The following SH3RF2 variants were observed in gnomAD, a reference collection of about 807,000 sequenced individuals.
SH3RF2 encodes E3 ubiquitin-protein ligase SH3RF2.
In SH3RF2, 43 loss-of-function variants were observed where a neutral mutation model predicts 59.0. The observed-to-expected ratio is 0.73, with a 90% CI of 0.57 to 0.94. The LOEUF (loss-of-function observed/expected upper bound fraction) is 0.94. SH3RF2 is among the 40% of genes least tolerant of loss of function. SH3RF2 has a pLI of 0.00. For missense variants in SH3RF2, 930 were observed against 940.1 expected (o/e 0.99, Z 0.14); for synonymous variants, 391 against 391.5 (o/e 1.00, Z 0.01).
chr5:145,959,577 T>C (rs1203362367), intron 2 of SH3RF2, among the ~76,000 whole-genome samples: 1 of 151,914 alleles, frequency 6.6e-6, no homozygotes, highest in Non-Finnish European at 1.5e-5. Context: ...TCCCCAGCCT[T>C]CTTAGTTGCA....
At chr5:145,966,281 G>A (rs371492153) in intron 2 of SH3RF2, among the ~76,000 whole-genome samples, 1 of 152,104 alleles carries the variant, frequency 6.6e-6, no homozygotes, top group African/African-American at 2.4e-5. Flanking sequence ...TGGCAAAGAG[G>A]GATGACAGTG....
chr5:146,067,367 G>A (rs1233148312), downstream of SH3RF2, among the ~76,000 whole-genome samples: 1 of 152,196 alleles, frequency 6.6e-6, no homozygotes, highest in Non-Finnish European at 1.5e-5. Context: ...ACAGCAGCCT[G>A]CTTCACTCAC....
chr5:146,002,884 C>A (rs1760484012), intron 3 of SH3RF2, among the ~76,000 whole-genome samples: 1 of 152,180 alleles, frequency 6.6e-6, no homozygotes, highest in Admixed American at 6.5e-5. Context: ...ATTCCCTATC[C>A]TCTACCCTCT....
intron 2 of SH3RF2, among the ~76,000 whole-genome samples, chr5:145,987,303 T>C (rs1396529896): frequency 6.6e-6 from 1 of 152,150 alleles, no homozygotes; most frequent in African/African-American, 2.4e-5. Context: ...ACCTGAGCAA[T>C]ATATACTGCA....
At chr5:146,020,298 G>T (rs952982803) in intron 5 of SH3RF2, among the ~76,000 whole-genome samples, 1 of 152,074 alleles carries the variant, frequency 6.6e-6, no homozygotes, top group African/African-American at 2.4e-5. Context: ...ACACACACAC[G>T]TGCATACACA....
chr5:146,024,078 CAT>C (rs1442737903), intron 5 of SH3RF2, among the ~76,000 whole-genome samples: 1 of 152,170 alleles, frequency 6.6e-6, no homozygotes, highest in African/African-American at 2.4e-5. Flanking sequence ...CATTTGTAGA[CAT>C]ATGCTTTCAT....
chr5:145,938,276 A>C lies in SH3RF2; in HGVS notation c.348A>C (p.Leu116=). 1 of 1,581,614 alleles carries C rather than the reference A, an allele frequency of 6.3e-7. No individual in the cohort carries two copies. Among genetic ancestry groups the C allele is most frequent in the Non-Finnish European group, 8.6e-7 (1 of 1,168,556 alleles). ...GTCTGCAGGCCAGTCCTTTCCGGCT[A>C]GTGCCTAATGTCAGAATCCACATGG... ...PRRLQASPFR[L]VPNVRIHMDG... is the part of the protein sequence containing the mutation. Residue 116 remains leucine, a synonymous_variant, in exon 2 of 10, where the codon CTA becomes CTC. Coordinates refer to ENST00000359120, the MANE Select transcript of SH3RF2 (RefSeq NM_152550.4).
chr5:145,972,228 T>C (rs748946236), intron 2 of SH3RF2, among the ~76,000 whole-genome samples: 3 of 151,544 alleles, frequency 2.0e-5, no homozygotes, highest in Admixed American at 1.3e-4. Flanking sequence ...AAATCTTTGA[T>C]AAAAAATTGA....
At chr5:146,015,774 G>A (rs765416633) in intron 5 of SH3RF2, among the ~76,000 whole-genome samples, 87 of 152,238 alleles carry the variant, frequency 5.7e-4, no homozygotes, top group Non-Finnish European at 9.3e-4. Context: ...CAAATAGTGA[G>A]AATTCCACAG....
chr5:146,030,066 C>T (rs924731652), intron 5 of SH3RF2, among the ~76,000 whole-genome samples: 5 of 152,176 alleles, frequency 3.3e-5, no homozygotes, highest in Admixed American at 6.5e-5. Flanking sequence ...TGTTTTCTCA[C>T]GCTGAGTATA....
intron 2 of SH3RF2, among the ~76,000 whole-genome samples, chr5:145,985,141 G>A (rs1392148177): frequency 6.6e-6 from 1 of 151,568 alleles, no homozygotes; most frequent in Non-Finnish European, 1.5e-5. Context: ...GGACAACAGA[G>A]CAAGACCCTG....
At chr5:146,049,985 C>A (rs1762439929) in intron 7 of SH3RF2, 1 of 152,664 alleles carries the variant, frequency 6.6e-6, no homozygotes, top group Non-Finnish European at 1.5e-5. Context: ...ACATCCAACA[C>A]TGTCTTTATG....
At chr5:145,988,642 AAAAAAC>A (rs1759809247) in intron 2 of SH3RF2, among the ~76,000 whole-genome samples, 1 of 152,198 alleles carries the variant, frequency 6.6e-6, no homozygotes, top group Non-Finnish European at 1.5e-5. Context: ...TTTCTATGAA[AAAAAAC>A]AAAAACAAAA....
intron 5 of SH3RF2, among the ~76,000 whole-genome samples, chr5:146,037,255 G>T (rs1035403895): frequency 2.6e-5 from 4 of 152,112 alleles, no homozygotes; most frequent in Admixed American, 2.0e-4. Context: ...AGGAAACAAG[G>T]CTCAGAGGGA....
At chr5:145,996,330 A>T (rs989116531) in intron 2 of SH3RF2, among the ~76,000 whole-genome samples, 1 of 152,194 alleles carries the variant, frequency 6.6e-6, no homozygotes, top group Non-Finnish European at 1.5e-5. Flanking sequence ...CACAAAATAA[A>T]ATACGACCTT....
chr5:146,064,715 AAAGAAAGAAAGAAAGGAAGGAAGG>A (rs1763026629), downstream of SH3RF2, among the ~76,000 whole-genome samples: 1 of 19,388 alleles, frequency 5.2e-5, no homozygotes, highest in African/African-American at 1.8e-4. Flanking sequence ...AGAAAGAAAG[AAAGAAAGAAAGAAAGGAAGGAAGG>A]AAGGAAGGAA....
chr5:145,997,323 C>T, intron 2 of SH3RF2: 3 of 1,112,386 alleles, frequency 2.7e-6, no homozygotes, highest in East Asian at 4.7e-5. Context: ...ACCAGAGCAG[C>T]TCCCCGTATA....
At chr5:146,061,536 G>C (rs1206923521) in intron 9 of SH3RF2, among the ~76,000 whole-genome samples, 2 of 152,188 alleles carry the variant, frequency 1.3e-5, no homozygotes, top group Admixed American at 6.5e-5. Flanking sequence ...AAGAAACTCA[G>C]ATCTTAGTGG....
chr5:145,989,323 A>G (rs1176491096), intron 2 of SH3RF2, among the ~76,000 whole-genome samples: 1 of 152,206 alleles, frequency 6.6e-6, no homozygotes, highest in Non-Finnish European at 1.5e-5. Flanking sequence ...TAGCTCATCC[A>G]ATAGATCTGC....
Sources: gnomAD v4.1 joint callset for allele counts (sites outside exome capture counted in the v4.1 genomes callset) on GRCh38, gnomAD v4.1.1 for gene constraint, MANE v1.5 for transcripts, NCBI Gene and HGNC (gene_info 2026-07-23, HGNC 2026-07-21) for gene names.